The following FZD6 variants were observed in gnomAD, a reference collection of about 807,000 sequenced individuals.
FZD6 encodes frizzled-6.
A neutral mutation model predicts 61.4 loss-of-function variants in FZD6; 49 were observed. The ratio of observed to expected loss-of-function variants is 0.80; its 90% CI spans 0.63 to 1.01. The LOEUF (loss-of-function observed/expected upper bound fraction) is 1.01. Ranked by LOEUF, FZD6 falls within the 50% of genes least tolerant of loss-of-function variation. The pLI, the probability that FZD6 is intolerant of heterozygous loss-of-function variation, is 0.00. For synonymous variants in FZD6, 265 were observed against 292.2 expected, an observed-to-expected ratio of 0.91 and a Z score of 0.95; for missense variants, 724 against 848.2, an observed-to-expected ratio of 0.85 and a Z score of 1.82.
intron 2 of FZD6, 107 bp downstream of exon 2, chr8:103,300,391 G>A: frequency 3.4e-6 from 3 of 875,186 alleles, no homozygotes; most frequent in Middle Eastern, 2.8e-4. Context: ...TTCAAGTTGT[G>A]TACAAGTTGT....
At chr8:103,317,358 T>C (rs1182193763) in intron 2 of FZD6, among the ~76,000 whole-genome samples, 1 of 152,266 alleles carries the variant, frequency 6.6e-6, no homozygotes, top group African/African-American at 2.4e-5. Flanking sequence ...GAATTTATTT[T>C]ACTGGAGTCT....
chr8:103,313,998 T>C (rs1332302636), intron 2 of FZD6, among the ~76,000 whole-genome samples: 3 of 152,136 alleles, frequency 2.0e-5, no homozygotes. Flanking sequence ...CCCTATCATC[T>C]TACAGGCATT....
intron 4 of FZD6, among the ~76,000 whole-genome samples, chr8:103,327,289 C>G (rs1436136438): frequency 6.6e-6 from 1 of 152,172 alleles, no homozygotes; most frequent in Admixed American, 6.5e-5. Context: ...AATGCAACAG[C>G]CTTTACAAAG....
intron 2 of FZD6, among the ~76,000 whole-genome samples, chr8:103,310,241 G>A (rs1814455455): frequency 6.6e-6 from 1 of 152,186 alleles, no homozygotes; most frequent in Middle Eastern, 3.4e-3. Context: ...AACTCCTTGA[G>A]CCTTAAGTCC....
chr8:103,328,537 CA>C, intron 5 of FZD6, 121 bp downstream of exon 5: 1 of 876,042 alleles, frequency 1.1e-6, no homozygotes, highest in Admixed American at 2.7e-5. Flanking sequence ...TTTGATTTGC[CA>C]ACTGAAGTTT....
chr8:103,304,837 C>G (rs1401561986), intron 2 of FZD6, among the ~76,000 whole-genome samples: 1 of 152,180 alleles, frequency 6.6e-6, no homozygotes, highest in Non-Finnish European at 1.5e-5. Context: ...TACTTACTTT[C>G]CACATAAATT....
chr8:103,302,213 C>T (rs865461), intron 2 of FZD6, among the ~76,000 whole-genome samples: 78,623 of 151,998 alleles, frequency 0.52, 21,205 homozygotes, highest in African/African-American at 0.67. Flanking sequence ...TGTAATTTCT[C>T]AGTGTATACT....
upstream of FZD6, chr8:103,298,772 TCC>T (rs1563681573): frequency 1.0e-5 from 1 of 98,508 alleles, no homozygotes; most frequent in Non-Finnish European, 1.9e-5. Context: ...GCAGGGCCAG[TCC>T]CGCCGCCGCC....
rs191154343 is a variant in FZD6, at chr8:103,304,614, G to A, written c.177+4330G>A. Among the ~76,000 whole-genome samples the A allele has an allele frequency of 5.7e-3, 873 of 152,310 alleles. 2 individuals are homozygous for A. Among genetic ancestry groups the A allele is most frequent in the African/African-American group, 0.02 (836 of 41,568 alleles). On this transcript the variant is annotated intron_variant, in intron 2 of 6. Coordinates refer to ENST00000358755, the MANE Select transcript of FZD6 (RefSeq NM_003506.4). The stretch of plus-strand genomic sequence containing the variant: ...TATTCAACTTTGAAATTGTAGCACA[G>A]AAGCAGTCAGACAATATGCCAACAA...
intron 3 of FZD6, among the ~76,000 whole-genome samples, chr8:103,324,273 T>C (rs1814873653): frequency 6.6e-6 from 1 of 152,154 alleles, no homozygotes; most frequent in African/African-American, 2.4e-5. Context: ...ATATAAATTA[T>C]TGTGTTGAGG....
intron 2 of FZD6, among the ~76,000 whole-genome samples, chr8:103,310,766 A>G (rs535120525): frequency 6.6e-6 from 1 of 152,302 alleles, no homozygotes; most frequent in Non-Finnish European, 1.5e-5. Context: ...ATATCATTCT[A>G]TTATGTACAG....
intron 2 of FZD6, among the ~76,000 whole-genome samples, chr8:103,315,121 G>A (rs1160357607): frequency 6.6e-6 from 1 of 151,946 alleles, no homozygotes; most frequent in African/African-American, 2.4e-5. Flanking sequence ...TCATTTCAAT[G>A]GCATTTCGAG....
Position 103,325,396 on chromosome 8 carries a change from A to G in FZD6, c.1290A>G (p.Thr430=). The change falls in exon 4 of 7, where the codon ACA becomes ACG. Residue 430 remains threonine (T), a synonymous_variant. Transcript: ENST00000358755. ...FSGLYLVPLV[T]LLGCYVYEQV... ...GCTTGTATCTTGTGCCATTAGTGAC[A>G]CTTCTCGGATGTTACGTCTATGAGC... is the stretch of plus-strand genomic sequence containing the variant. 2 of 1,613,624 alleles carry G rather than the reference A, an allele frequency of 1.2e-6. No individual in the cohort carries two copies. The highest frequency in any genetic ancestry group is 1.7e-6 in the Non-Finnish European group (2 of 1,179,594).
At chr8:103,308,809 T>C (rs1203493710) in intron 2 of FZD6, among the ~76,000 whole-genome samples, 3 of 152,214 alleles carry the variant, frequency 2.0e-5, no homozygotes, top group Non-Finnish European at 4.4e-5. Context: ...CTTGACCTGA[T>C]GATCTCTAGA....
intron 3 of FZD6, among the ~76,000 whole-genome samples, chr8:103,319,398 A>G (rs947332568): frequency 6.6e-6 from 1 of 152,184 alleles, no homozygotes; most frequent in African/African-American, 2.4e-5. Context: ...CATCTTTCAT[A>G]TTTTTATGCT....
intron 2 of FZD6, among the ~76,000 whole-genome samples, chr8:103,302,935 G>C (rs1354581522): frequency 6.6e-6 from 1 of 152,146 alleles, no homozygotes; most frequent in East Asian, 1.9e-4. Flanking sequence ...TCCAGTCTGG[G>C]CAACAGAGTG....
intron 1 of FZD6, among the ~76,000 whole-genome samples, chr8:103,299,404 C>A (rs1814080901): frequency 6.6e-6 from 1 of 152,218 alleles, no homozygotes; most frequent in Admixed American, 6.5e-5. Context: ...CAGCACTACA[C>A]CCTCCTAGCC....
At chr8:103,312,114 C>G (rs1814513164) in intron 2 of FZD6, among the ~76,000 whole-genome samples, 1 of 152,142 alleles carries the variant, frequency 6.6e-6, no homozygotes, top group Non-Finnish European at 1.5e-5. Flanking sequence ...ATGTGAATTG[C>G]CTTCTCACTT....
At position 103,328,276 on chromosome 8, in the gene FZD6, A is replaced by G. The variant is rs1815014097; in HGVS notation, c.1401A>G (p.Ala467=). The part of the protein sequence containing the change: ...YHIPCPYQAK[A]KARPELALFM... ...TTCACTATTTTTTGTAGGCAAAAGCAAAAGCTCGACCAGAATTGGCTTTAT... is the reference window on the plus strand; with the variant it reads ...TTCACTATTTTTTGTAGGCAAAAGCGAAAGCTCGACCAGAATTGGCTTTAT... The change falls in exon 5 of 7, where the codon GCA becomes GCG. Residue 467 remains alanine (A), a synonymous_variant. Coordinates refer to ENST00000358755, the MANE Select transcript of FZD6 (RefSeq NM_003506.4). The G allele has an allele frequency of 1.2e-6, 2 of 1,611,020 alleles. No homozygotes were observed. Among genetic ancestry groups the G allele is most frequent in the Non-Finnish European group, 1.7e-6 (2 of 1,177,252 alleles).
Sources: allele counts gnomAD v4.1 joint callset (sites outside exome capture counted in the v4.1 genomes callset), GRCh38; gene constraint gnomAD v4.1.1; transcripts MANE v1.5; gene names NCBI Gene and HGNC (gene_info 2026-07-23, HGNC 2026-07-21).